Variants in FUT8 observed in about 807,000 individuals in gnomAD.
The protein encoded by FUT8 is alpha-(1,6)-fucosyltransferase.
In FUT8, 29 loss-of-function variants were observed where a neutral mutation model predicts 71.3. The ratio of observed to expected loss-of-function variants is 0.41; its 90% CI spans 0.30 to 0.55. The LOEUF (loss-of-function observed/expected upper bound fraction) is 0.55. FUT8 is among the 20% of genes least tolerant of loss of function. FUT8 has a pLI of 0.34. For missense variants in FUT8, 544 were observed against 702.1 expected, an observed-to-expected ratio of 0.77 and a Z score of 2.55; for synonymous variants, 254 against 239.3, an observed-to-expected ratio of 1.06 and a Z score of -0.57.
At chr14:65,540,768 G>A (rs1474526880) in intron 2 of FUT8, among the ~76,000 whole-genome samples, 1 of 152,226 alleles carries the variant, frequency 6.6e-6, no homozygotes, top group African/African-American at 2.4e-5. Flanking sequence ...TGTATGGAGA[G>A]CTGGAGAGTA....
In FUT8 at chr14:65,522,228, C is replaced by T. The variant is rs12432426; in HGVS notation, c.-227-39109C>T. ...TAGCTTTGTGATTTTCTCCCTCTCC[C>T]GACTTTTCCTTTTGGTGCCCTGGTT... On this transcript the variant is annotated intron_variant, in intron 2 of 10. Transcript: ENST00000673929. 5.8e-3 allele frequency among the ~76,000 whole-genome samples: 879 copies of T among 152,236 alleles called. 34 individuals carry two copies. In the East Asian group the frequency reaches 0.093, roughly 16 times the overall value.
chr14:65,603,381 C>T lies in FUT8; in HGVS notation c.204-12597C>T, dbSNP rs983819988. Among the ~76,000 whole-genome samples the T allele has an allele frequency of 6.6e-5, 10 of 151,558 alleles. No homozygotes were observed. Among genetic ancestry groups the T allele is most frequent in the Admixed American group, 1.3e-4 (2 of 15,176 alleles). On this transcript the variant is annotated intron_variant, in intron 3 of 10. Transcript: ENST00000673929. The surrounding 1 kb of genome is among the most constrained non-coding windows in gnomAD (Gnocchi z 4.5). ...CCACACTGTTTCGGTGACTTACGGC[C>T]GTATAGTATGGTTTGAAATCAGGTA... is the stretch of plus-strand genomic sequence containing the variant.
At chr14:65,535,410 T>A (rs903813201) in intron 2 of FUT8, among the ~76,000 whole-genome samples, 12 of 152,300 alleles carry the variant, frequency 7.9e-5, no homozygotes, top group Admixed American at 7.8e-4. Context: ...TCTTTCTAAC[T>A]TTTTGATGAG....
At chr14:65,600,998 A>G (rs1202732250) in intron 3 of FUT8, among the ~76,000 whole-genome samples, 1 of 152,120 alleles carries the variant, frequency 6.6e-6, no homozygotes, top group East Asian at 1.9e-4. Context: ...ATTTCCTTGG[A>G]GAATTGAGCC....
intron 2 of FUT8, among the ~76,000 whole-genome samples, chr14:65,503,581 AAC>A (rs2066680487): frequency 6.6e-6 from 1 of 152,192 alleles, no homozygotes; most frequent in African/African-American, 2.4e-5. Context: ...TCTATCTGCT[AAC>A]ACAAATAGAA....
intron 2 of FUT8, chr14:65,516,455 G>C (rs939595499): frequency 1.3e-5 from 2 of 152,130 alleles, no homozygotes; most frequent in African/African-American, 4.8e-5. Flanking sequence ...AAGTGTTTGT[G>C]TTATAGGCAG....
intron 2 of FUT8, among the ~76,000 whole-genome samples, chr14:65,540,971 A>G (rs992474040): frequency 3.3e-5 from 5 of 152,240 alleles, no homozygotes; most frequent in Non-Finnish European, 5.9e-5. Context: ...GCTAGGCGGC[A>G]CAGATCACTC....
At chr14:65,477,818 GA>G (rs2066269740) in intron 2 of FUT8, among the ~76,000 whole-genome samples, 1 of 151,252 alleles carries the variant, frequency 6.6e-6, no homozygotes, top group Non-Finnish European at 1.5e-5. Context: ...CTGAACTATA[GA>G]ACCAAATTGT....
At chr14:65,526,672 A>C (rs1353396061) in intron 2 of FUT8, among the ~76,000 whole-genome samples, 1 of 152,056 alleles carries the variant, frequency 6.6e-6, no homozygotes, top group East Asian at 1.9e-4. Context: ...GGTCTTTACA[A>C]TTTGGCATGT....
At position 65,481,852 on chromosome 14, in the gene FUT8, G is replaced by T. The variant is rs563456804; in HGVS notation, c.-228+26134G>T. ...TTTCTTATTATTGAGTTTTGAGAGCGGTTTATATTCTTGATCAAAGTTGTT... is the reference window on the plus strand; with the variant it reads ...TTTCTTATTATTGAGTTTTGAGAGCTGTTTATATTCTTGATCAAAGTTGTT... On this transcript the variant is annotated intron_variant, in intron 2 of 10. Coordinates refer to ENST00000673929, the MANE Select transcript of FUT8 (RefSeq NM_001371533.1). Among the ~76,000 whole-genome samples, 43 of 152,022 alleles carry T rather than the reference G, an allele frequency of 2.8e-4. 1 individual carries two copies. In the Middle Eastern group the frequency reaches 0.01, roughly 36 times the overall value.
the FUT8 span, among the ~76,000 whole-genome samples, chr14:65,368,897 C>G: frequency 6.6e-6 from 1 of 152,044 alleles, no homozygotes; most frequent in African/African-American, 2.4e-5. Context: ...AGACCTCAGG[C>G]AATCCACCCG....
chr14:65,427,512 T>A (rs963669364), intron 1 of FUT8, among the ~76,000 whole-genome samples: 2 of 152,242 alleles, frequency 1.3e-5, no homozygotes, highest in African/African-American at 4.8e-5. Context: ...GGTTTTGATT[T>A]GCATTTTTGT....
intron 6 of FUT8, among the ~76,000 whole-genome samples, chr14:65,667,304 T>C (rs1892266543): frequency 6.6e-6 from 1 of 152,168 alleles, no homozygotes; most frequent in Admixed American, 6.5e-5. Context: ...CTCCTAGATC[T>C]GACAAACAAC....
intron 2 of FUT8, among the ~76,000 whole-genome samples, chr14:65,547,716 T>TTTAAAAGC (rs1210471726): frequency 6.6e-6 from 1 of 151,856 alleles, no homozygotes; most frequent in Non-Finnish European, 1.5e-5. Context: ...GCATTTATTT[T>TTTAAAAGC]TTAAAAGCTT....
At chr14:65,537,609 G>A (rs916477584) in intron 2 of FUT8, among the ~76,000 whole-genome samples, 1 of 152,030 alleles carries the variant, frequency 6.6e-6, no homozygotes. Flanking sequence ...GGATGGTCTC[G>A]ATCTCCTGAC....
At chr14:65,401,640 G>A in the FUT8 span, among the ~76,000 whole-genome samples, 1 of 152,186 alleles carries the variant, frequency 6.6e-6, no homozygotes, top group African/African-American at 2.4e-5. Flanking sequence ...GCTCACACCT[G>A]TAATCCCAAC....
chr14:65,391,496 C>T, the FUT8 span, among the ~76,000 whole-genome samples: 1 of 152,214 alleles, frequency 6.6e-6, no homozygotes, highest in African/African-American at 2.4e-5. Flanking sequence ...GCAGGGACTA[C>T]AGGCAAATGC....
At chr14:65,630,063 G>T (rs770283012) in intron 6 of FUT8, among the ~76,000 whole-genome samples, 2 of 152,146 alleles carry the variant, frequency 1.3e-5, no homozygotes, top group African/African-American at 2.4e-5. Context: ...CTAAGCAGTG[G>T]CTCGTAACTG....
the FUT8 span, among the ~76,000 whole-genome samples, chr14:65,397,043 T>C: frequency 6.6e-6 from 1 of 152,188 alleles, no homozygotes; most frequent in Admixed American, 6.5e-5. This position sits in a 1 kb window ranked among gnomAD's most constrained non-coding sequence, Gnocchi z 4.2. Flanking sequence ...CACAGTCCAA[T>C]GCCTATAGGG....
Sources: allele counts gnomAD v4.1 joint callset (sites outside exome capture counted in the v4.1 genomes callset), GRCh38; gene constraint gnomAD v4.1.1; non-coding constraint Gnocchi (gnomAD v3.1); transcripts MANE v1.5; gene names NCBI Gene and HGNC (gene_info 2026-07-23, HGNC 2026-07-21).